PRKD3: variants seen among roughly 807,000 people sequenced by gnomAD.
The protein encoded by PRKD3 is protein kinase D3.
PRKD3 carries 47 observed loss-of-function variants against 99.2 expected under a neutral mutation model. The observed-to-expected ratio is 0.47, with a 90% confidence interval of 0.38 to 0.60. The LOEUF is 0.60. Among genes scored for constraint, PRKD3 ranks in the 20% least tolerant of loss-of-function variants. The pLI is 0.00. For missense variants in PRKD3, 1,019 were observed against 1,088.4 expected (o/e 0.94, Z 0.90); for synonymous variants, 392 against 355.4 (o/e 1.10, Z -1.16).
chr2:37,271,580 C>T lies in PRKD3; in HGVS notation c.1704+800G>A, dbSNP rs557397112. On this transcript the variant is annotated intron_variant, in intron 12 of 18. Transcript: ENST00000234179. ...GGAACCAGGCTGCACAGCAGGTGAG[C>T]AGCAGGTTAGCAAGCATTACTGCCC... Among the ~76,000 whole-genome samples, 4 of 152,296 alleles carry T rather than the reference C, an allele frequency of 2.6e-5. No homozygotes were observed. The East Asian group carries it at 7.7e-4, about 29-fold the overall frequency.
chr2:37,292,368 CAG>C (rs1240404478), intron 3 of PRKD3, among the ~76,000 whole-genome samples: 2 of 147,828 alleles, frequency 1.4e-5, no homozygotes, highest in South Asian at 2.1e-4. Context: ...TTTTTTGAGA[CAG>C]AGTCTCACTC....
At chr2:37,267,182 A>T (rs1189365552) in intron 14 of PRKD3, among the ~76,000 whole-genome samples, 2 of 152,212 alleles carry the variant, frequency 1.3e-5, no homozygotes, top group Non-Finnish European at 2.9e-5. Flanking sequence ...AAAATGTGGC[A>T]AAGTATCCTA....
chr2:37,297,027 TCA>T (rs1469328709), intron 2 of PRKD3, among the ~76,000 whole-genome samples: 1 of 151,844 alleles, frequency 6.6e-6, no homozygotes, highest in Non-Finnish European at 1.5e-5. Context: ...GAGCACACAT[TCA>T]TTATGAAGAA....
At chr2:37,260,821 G>C (rs940548451) in intron 14 of PRKD3, among the ~76,000 whole-genome samples, 1 of 152,082 alleles carries the variant, frequency 6.6e-6, no homozygotes, top group Non-Finnish European at 1.5e-5. Flanking sequence ...ATTTATCTAA[G>C]TCTTGATTCT....
chr2:37,280,186 A>G lies in PRKD3; in HGVS notation c.989-257T>C, dbSNP rs574903762. ...CAGCCTCCTCAGTAGCTGGGATTACAGGCGCCCACCACCATGCCCAGCTAA... is the reference window on the plus strand; with the variant it reads ...CAGCCTCCTCAGTAGCTGGGATTACGGGCGCCCACCACCATGCCCAGCTAA... On this transcript the variant is annotated intron_variant, in intron 7 of 18. Transcript: ENST00000234179. 1.9e-3 allele frequency among the ~76,000 whole-genome samples: 286 copies of G among 151,504 alleles called. 2 individuals carry two copies. The highest frequency in any genetic ancestry group is 3.7e-3 in the South Asian group (18 of 4,804).
Position 37,279,801 on chromosome 2 carries a change from A to C in PRKD3, c.1117T>G (p.Leu373Val). The part of the protein sequence containing the change: ...PSPPEDKMFF[L>V]DPSDLDVERD... ...TCCACATCGAGATCAGATGGATCCA[A>C]GAAGAACATCTTATCTTCTGGGGGT... The change falls in exon 8 of 19, where the codon TTG becomes GTG. Residue 373 changes from leucine (L) to valine (V), a missense_variant. This residue lies in a region of PRKD3 where 710 missense variants were observed against 692.7 expected (regional missense o/e 1.02). Transcript: ENST00000234179. The C allele has an allele frequency of 6.2e-7, 1 of 1,613,938 alleles. No homozygotes were observed. The highest frequency in any genetic ancestry group is 8.5e-7 in the Non-Finnish European group (1 of 1,179,944).
rs1482553846 is a variant in PRKD3, at chr2:37,280,270, C to G, written c.989-341G>C. Among the ~76,000 whole-genome samples, 4 of 152,100 alleles carry G rather than the reference C, an allele frequency of 2.6e-5. No individual in the cohort carries two copies. In the East Asian group the frequency reaches 7.7e-4, roughly 29 times the overall value. On this transcript the variant is annotated intron_variant, in intron 7 of 18. Transcript: ENST00000234179. ...ATGTTGGCCAGGCTGGTCTCGAACT[C>G]CTGACCTCAGGGGATCCACCCACTT...
At position 37,316,961 on chromosome 2, in the gene PRKD3, A is replaced by T. The variant is rs1196163632; in HGVS notation, c.-437T>A. On this transcript the variant is annotated 5_prime_UTR_variant, in exon 2 of 19. Coordinates refer to ENST00000234179, the MANE Select transcript of PRKD3 (RefSeq NM_005813.6). ...GTTTAAAAAACAGTAAGTGTTTTGG[A>T]TTAATCTATTCAGTACTTTTCCTTT... The T allele has an allele frequency of 1.0e-6, 1 of 997,896 alleles. No individual in the cohort carries two copies. Among genetic ancestry groups the T allele is most frequent in the East Asian group, 1.1e-4 (1 of 9,276 alleles). The allele number at this position is 997,896 out of a possible 1,614,324, so 61.8% of individuals were successfully genotyped here.
At chr2:37,253,714 T>C (rs1369184685) in intron 18 of PRKD3, among the ~76,000 whole-genome samples, 1 of 152,198 alleles carries the variant, frequency 6.6e-6, no homozygotes, top group African/African-American at 2.4e-5. Flanking sequence ...TAGGATAATT[T>C]AGTAACTGGT....
intron 17 of PRKD3, among the ~76,000 whole-genome samples, chr2:37,255,678 T>G (rs1405701031): frequency 6.6e-6 from 1 of 152,276 alleles, no homozygotes; most frequent in African/African-American, 2.4e-5. Flanking sequence ...TTCTGAAGAT[T>G]AGAAAAGTCA....
In PRKD3 at chr2:37,316,558, A is replaced by C; in HGVS notation, c.-34T>G. 6.3e-7 allele frequency: 1 copy of C among 1,587,876 alleles called. No homozygotes were observed. The highest frequency in any genetic ancestry group is 1.2e-5 in the South Asian group (1 of 86,668). On this transcript the variant is annotated 5_prime_UTR_variant, in exon 2 of 19. Coordinates refer to ENST00000234179, the MANE Select transcript of PRKD3 (RefSeq NM_005813.6). ...CTTTAATCTTTTAAAATAGTTGTCGATTCTTTTTCAATGGTTATGAAGAGG... is the reference window on the plus strand; with the variant it reads ...CTTTAATCTTTTAAAATAGTTGTCGCTTCTTTTTCAATGGTTATGAAGAGG...
At chr2:37,309,702 G>C (rs190631270) in intron 2 of PRKD3, among the ~76,000 whole-genome samples, 1 of 152,190 alleles carries the variant, frequency 6.6e-6, no homozygotes, top group East Asian at 1.9e-4. Flanking sequence ...ACAAATATTA[G>C]CTGGGTGTGG....
chr2:37,303,831 G>A (rs189843216), intron 2 of PRKD3, among the ~76,000 whole-genome samples: 10 of 152,286 alleles, frequency 6.6e-5, no homozygotes, highest in African/African-American at 2.4e-4. Context: ...CTTTTAAAAT[G>A]TACTTGATAT....
intron 9 of PRKD3, among the ~76,000 whole-genome samples, chr2:37,276,811 CATAT>C (rs1305943087): frequency 2.1e-5 from 3 of 140,894 alleles, no homozygotes; most frequent in Admixed American, 7.3e-5. Context: ...CACACATACA[CATAT>C]ATATACATAT....
At chr2:37,283,271 C>T (rs1290978551) in intron 6 of PRKD3, among the ~76,000 whole-genome samples, 2 of 152,162 alleles carry the variant, frequency 1.3e-5, no homozygotes, top group African/African-American at 4.8e-5. Context: ...CTATCCCAGA[C>T]CTACTATATC....
Position 37,289,428 on chromosome 2 carries a change from T to C in PRKD3, c.645A>G (p.Val215=), listed in dbSNP as rs760047457. ...CTGAGAGGCCGGGTCCTGGTAAAGA[T>C]ACATTTGACAGACGTCTCTTTCTTA... ...SGVRKRRLSN[V]SLPGPGLSVP... is the part of the protein sequence containing the mutation. The change falls in exon 5 of 19, where the codon GTA becomes GTG. Residue 215 remains valine, a synonymous_variant. Transcript: ENST00000234179. The C allele has an allele frequency of 6.2e-6, 10 of 1,614,022 alleles. No individual in the cohort carries two copies. The highest frequency in any genetic ancestry group is 7.6e-6 in the Non-Finnish European group (9 of 1,179,892).
intron 1 of PRKD3, among the ~76,000 whole-genome samples, chr2:37,321,202 A>T (rs945865397): frequency 6.6e-6 from 1 of 152,222 alleles, no homozygotes; most frequent in Non-Finnish European, 1.5e-5. Flanking sequence ...GCTCTAAATA[A>T]TATCATCTAG....
intron 16 of PRKD3, among the ~76,000 whole-genome samples, chr2:37,257,505 G>A (rs907424669): frequency 2.6e-5 from 4 of 151,604 alleles, no homozygotes; most frequent in Non-Finnish European, 5.9e-5. Context: ...CTCTACTGAA[G>A]ATACAAAAAA....
intron 18 of PRKD3, among the ~76,000 whole-genome samples, chr2:37,253,925 T>C (rs1038758150): frequency 6.6e-6 from 1 of 152,188 alleles, no homozygotes; most frequent in African/African-American, 2.4e-5. Flanking sequence ...TAAAATAAAT[T>C]TGATAAATTA....
Sources: gnomAD v4.1 joint callset for allele counts (sites outside exome capture counted in the v4.1 genomes callset) on GRCh38, gnomAD v4.1.1 for gene constraint, gnomAD v4.1.1 regional missense constraint, MANE v1.5 for transcripts, NCBI Gene and HGNC (gene_info 2026-07-23, HGNC 2026-07-21) for gene names.